Variants in SLC44A5 observed in about 807,000 individuals in gnomAD.
The protein encoded by SLC44A5 is solute carrier family 44 member 5, also known as choline transporter-like protein 5.
Under a neutral mutation model 101.8 loss-of-function variants are expected in SLC44A5, and 57 were observed. The observed-to-expected ratio is 0.56, with a 90% CI of 0.45 to 0.70. The LOEUF is 0.70. SLC44A5 is among the 30% of genes least tolerant of loss of function. The pLI, the probability that SLC44A5 is intolerant of heterozygous loss-of-function variation, is 0.00. For missense variants in SLC44A5, 737 were observed against 853.1 expected (o/e 0.86, Z 1.70); for synonymous variants, 281 against 290.9 (o/e 0.97, Z 0.35).
At chr1:75,584,706 T>C (rs950347051) in intron 1 of SLC44A5, among the ~76,000 whole-genome samples, 4 of 151,986 alleles carry the variant, frequency 2.6e-5, no homozygotes, top group Admixed American at 2.6e-4. Context: ...AGCATTCCAG[T>C]TCAAGCGATT....
intron 18 of SLC44A5, among the ~76,000 whole-genome samples, chr1:75,217,191 A>G (rs539896734): frequency 6.6e-6 from 1 of 152,066 alleles, no homozygotes; most frequent in Non-Finnish European, 1.5e-5. Context: ...TCCCAGCACC[A>G]TTAGTTGAAA....
chr1:75,308,113 G>C (rs756821213), intron 4 of SLC44A5, among the ~76,000 whole-genome samples: 2 of 152,080 alleles, frequency 1.3e-5, no homozygotes, highest in Non-Finnish European at 2.9e-5. Context: ...ATTTTAAACT[G>C]TTGTTTAAAA....
intron 1 of SLC44A5, among the ~76,000 whole-genome samples, chr1:75,544,304 C>G (rs538839737): frequency 7.9e-5 from 12 of 152,300 alleles, no homozygotes; most frequent in African/African-American, 2.9e-4. Context: ...GCCTCTCGAT[C>G]TTAGACTTCC....
At chr1:75,203,934 T>TCTG (rs149321205) in intron 23 of SLC44A5, 101 bp from the exon 24 acceptor site, 22 of 1,071,526 alleles carry the variant, frequency 2.1e-5, no homozygotes, top group Middle Eastern at 3.3e-4. Context: ...TCAAAATCCT[T>TCTG]TTGTTGTTTT....
chr1:75,240,785 A>C (rs1455004378), intron 9 of SLC44A5, among the ~76,000 whole-genome samples: 2 of 152,064 alleles, frequency 1.3e-5, no homozygotes, highest in African/African-American at 4.8e-5. Context: ...AAATATATAC[A>C]TTGTAAGAAA....
intron 2 of SLC44A5, among the ~76,000 whole-genome samples, chr1:75,537,177 G>A (rs2101939868): frequency 6.6e-6 from 1 of 151,902 alleles, no homozygotes; most frequent in Non-Finnish European, 1.5e-5. Context: ...TGTGAAATTT[G>A]AATGAATTAT....
chr1:75,657,459 G>A, the SLC44A5 span, among the ~76,000 whole-genome samples: 2 of 151,068 alleles, frequency 1.3e-5, no homozygotes, highest in Non-Finnish European at 2.9e-5. Flanking sequence ...TGAGGTGGGA[G>A]AATCACTTGA....
chr1:75,438,214 C>A lies in SLC44A5; in HGVS notation c.14-41593G>T, dbSNP rs78604477. ...AGAAATGAAGGCTAGTCATTGGATTCAGCAATCTGGAAGTTATTGATGACC... is the reference window on the plus strand; with the variant it reads ...AGAAATGAAGGCTAGTCATTGGATTAAGCAATCTGGAAGTTATTGATGACC... On this transcript the variant is annotated intron_variant, in intron 2 of 23. Coordinates refer to ENST00000370859, the MANE Select transcript of SLC44A5 (RefSeq NM_001130058.2). Among the ~76,000 whole-genome samples, 41 of 152,180 alleles carry A rather than the reference C, an allele frequency of 2.7e-4. 1 individual carries two copies. The East Asian group carries it at 7.9e-3, about 29-fold the overall frequency.
intron 4 of SLC44A5, among the ~76,000 whole-genome samples, chr1:75,307,961 T>C (rs984803468): frequency 6.6e-6 from 1 of 152,162 alleles, no homozygotes; most frequent in African/African-American, 2.4e-5. Flanking sequence ...TATTTTCAGG[T>C]GTTTGATATT....
intron 3 of SLC44A5, among the ~76,000 whole-genome samples, chr1:75,368,643 G>GCACACACA (rs10598515): frequency 1.2e-3 from 166 of 144,088 alleles, no homozygotes; most frequent in African/African-American, 4.0e-3. Context: ...AAATGTGCAT[G>GCACACACA]CACACACACA....
At chr1:75,657,121 C>T in the SLC44A5 span, among the ~76,000 whole-genome samples, 1 of 152,012 alleles carries the variant, frequency 6.6e-6, no homozygotes, top group Non-Finnish European at 1.5e-5. Context: ...TGCACTCCAG[C>T]CTGCGTGACA....
At chr1:75,600,846 G>A (rs1250987280) in intron 1 of SLC44A5, among the ~76,000 whole-genome samples, 2 of 152,064 alleles carry the variant, frequency 1.3e-5, no homozygotes, top group African/African-American at 4.8e-5. Context: ...CACCATCTAG[G>A]TTTCTATAAG....
At chr1:75,457,176 T>A (rs1268206598) in intron 2 of SLC44A5, among the ~76,000 whole-genome samples, 1 of 152,172 alleles carries the variant, frequency 6.6e-6, no homozygotes, top group Non-Finnish European at 1.5e-5. Context: ...TTCTTTCGCC[T>A]GTTAATGCAG....
chr1:75,689,176 A>T, the SLC44A5 span, among the ~76,000 whole-genome samples: 1 of 152,168 alleles, frequency 6.6e-6, no homozygotes, highest in African/African-American at 2.4e-5. Context: ...CATGAGTATT[A>T]AGGGACCTAG....
At chr1:75,707,381 T>TC in the SLC44A5 span, among the ~76,000 whole-genome samples, 2 of 152,198 alleles carry the variant, frequency 1.3e-5, no homozygotes, top group African/African-American at 2.4e-5. Flanking sequence ...CACATTTTTT[T>TC]CCCTCCTTTC....
chr1:75,641,403 G>A, the SLC44A5 span: 1 of 1,015,360 alleles, frequency 9.8e-7, no homozygotes, highest in Non-Finnish European at 1.6e-6. Context: ...CTTGATTTTT[G>A]TACATTGCTT....
Position 75,227,735 on chromosome 1 carries a change from A to G in SLC44A5, c.976T>C (p.Phe326Leu), listed in dbSNP as rs1367963028. The G allele has an allele frequency of 5.1e-6, 8 of 1,555,306 alleles. No homozygotes were observed. Among genetic ancestry groups the G allele is most frequent in the Admixed American group, 2.4e-5 (1 of 42,198 alleles). Residue 326 changes from phenylalanine (F) to leucine (L), a missense_variant, in exon 13 of 24, where the codon TTC (phenylalanine) becomes CTC (leucine). Phe to Leu is a conservative substitution (Grantham distance 22, BLOSUM62 0). Around this residue, in one of 3 missense-constraint regions of SLC44A5, gnomAD observed 665 missense variants for 764.4 expected, o/e 0.87. Transcript: ENST00000370859. ...TTTTTAAAATACTCACTAAATGTGA[A>G]CCATGTTTGTTGCAGTTCAAAGTAC... ...SMYFELQQTWFTFMIILCIIE... is the reference protein window; with the variant it reads ...SMYFELQQTWLTFMIILCIIE...
intron 5 of SLC44A5, among the ~76,000 whole-genome samples, chr1:75,292,966 A>G (rs1339661723): frequency 2.6e-5 from 4 of 152,224 alleles, no homozygotes; most frequent in Non-Finnish European, 5.9e-5. Flanking sequence ...AATCTGGTTC[A>G]ATCATCTTTT....
chr1:75,645,020 G>C, the SLC44A5 span, among the ~76,000 whole-genome samples: 7 of 152,146 alleles, frequency 4.6e-5, no homozygotes, highest in East Asian at 1.9e-4. Context: ...TTAATCCAGT[G>C]TATCATTGTT....
Sources: gnomAD v4.1 joint callset for allele counts (sites outside exome capture counted in the v4.1 genomes callset) on GRCh38, gnomAD v4.1.1 for gene constraint, gnomAD v4.1.1 regional missense constraint, MANE v1.5 for transcripts, NCBI Gene and HGNC (gene_info 2026-07-23, HGNC 2026-07-21) for gene names.